Variants in CWC25 observed in about 807,000 individuals in gnomAD.
CWC25 encodes CWC25 spliceosome associated protein.
A neutral mutation model predicts 54.6 loss-of-function variants in CWC25; 31 were observed. That is an observed-to-expected ratio of 0.57 (90% CI 0.43 to 0.77). The LOEUF (loss-of-function observed/expected upper bound fraction) is 0.77, where lower values mean the gene tolerates loss of function less well. CWC25 is among the 30% of genes least tolerant of loss of function. The pLI, the probability that CWC25 is intolerant of heterozygous loss-of-function variation, is 0.00. For missense variants in CWC25, 453 were observed against 529.3 expected (o/e 0.86, Z 1.41); for synonymous variants, 151 against 187.0 (o/e 0.81, Z 1.57).
chr17:38,808,495 A>G (rs1911347184), intron 6 of CWC25, among the ~76,000 whole-genome samples: 1 of 133,488 alleles, frequency 7.5e-6, no homozygotes, highest in African/African-American at 2.7e-5. Flanking sequence ...ATACAGAAAT[A>G]TGAGGCCAGG....
rs1911901145 is a variant in CWC25, at chr17:38,821,002, A to C, written c.90T>G (p.His30Gln). ...VEKVWKAEQK[H>Q]EAERKKIEEL... ...CCTCAATCTTCTTCCGCTCAGCCTC[A>C]TGCTTCTGCTCGGCCTTCCACACTT... The change falls in exon 2 of 10, where the codon CAT becomes CAG. Residue 30 changes from histidine (H) to glutamine (Q), a missense_variant. This residue lies in a region of CWC25 where 444 missense variants were observed against 499.2 expected (regional missense o/e 0.89). Coordinates refer to ENST00000614790, the MANE Select transcript of CWC25 (RefSeq NM_017748.5). The C allele has an allele frequency of 4.3e-6, 7 of 1,613,892 alleles. No individual in the cohort carries two copies. The highest frequency in any genetic ancestry group is 5.9e-6 in the Non-Finnish European group (7 of 1,179,888).
intron 6 of CWC25, 101 bp downstream of exon 6, chr17:38,809,590 CCTGTTTCCCAG>C (rs911784404): frequency 2.2e-6 from 2 of 918,910 alleles, no homozygotes. Flanking sequence ...TAAGAATGGG[CCTGTTTCCCAG>C]CAGCCCAGGC....
chr17:38,816,867 G>C (rs2143588500), intron 2 of CWC25, among the ~76,000 whole-genome samples: 1 of 151,126 alleles, frequency 6.6e-6, no homozygotes, highest in Non-Finnish European at 1.5e-5. Flanking sequence ...TGTACTTTTA[G>C]TAAAGACGAG....
At chr17:38,810,421 T>C (rs1310324414) in intron 5 of CWC25, 47 bp downstream of exon 5, 1 of 1,490,884 alleles carries the variant, frequency 6.7e-7, no homozygotes, top group Non-Finnish European at 8.9e-7. Context: ...AATGAGTGAA[T>C]GAGCAAGTGA....
At position 38,812,537 on chromosome 17, in the gene CWC25, G is replaced by A. The variant is rs562554289; in HGVS notation, c.498+258C>T. On this transcript the variant is annotated intron_variant, in intron 4 of 9. Coordinates refer to ENST00000614790, the MANE Select transcript of CWC25 (RefSeq NM_017748.5). ...AGCTACTAGGGAGGCTGAGGCAGGA[G>A]AATAACTTGAACCTGGGAGGCGGAG... is the stretch of plus-strand genomic sequence containing the variant. 3.9e-5 allele frequency among the ~76,000 whole-genome samples: 6 copies of A among 152,264 alleles called. No individual in the cohort carries two copies. The South Asian group carries it at 1.2e-3, about 32-fold the overall frequency.
rs1212624031 is a variant in CWC25 at position 38,819,469 on chromosome 17, C to T, written c.191+1432G>A. ...GCAACCTCCACCTTCTGGGTTCAAGCGATTCTCCTGCCTTAGCTTCCCGAG... is the reference window on the plus strand; with the variant it reads ...GCAACCTCCACCTTCTGGGTTCAAGTGATTCTCCTGCCTTAGCTTCCCGAG... On this transcript the variant is annotated intron_variant, in intron 2 of 9. Coordinates refer to ENST00000614790, the MANE Select transcript of CWC25 (RefSeq NM_017748.5). Among the ~76,000 whole-genome samples, 5 of 151,610 alleles carry T rather than the reference C, an allele frequency of 3.3e-5. No individual in the cohort carries two copies. In the East Asian group the frequency reaches 7.7e-4, roughly 23 times the overall value.
At chr17:38,811,000 A>C (rs1290970646) in intron 4 of CWC25, among the ~76,000 whole-genome samples, 8 of 148,834 alleles carry the variant, frequency 5.4e-5, no homozygotes, top group Non-Finnish European at 4.4e-5. Flanking sequence ...TGAGAGGCTG[A>C]GGTGGGAGGA....
Position 38,810,473 on chromosome 17 carries a change from T to C in CWC25, c.621A>G (p.Ala207=), listed in dbSNP as rs1374819666. The change falls in exon 5 of 10, where the codon GCA becomes GCG. Residue 207 remains alanine, a synonymous_variant. Transcript: ENST00000614790. ...GCCAGTCGCCACATGCTCACCTCCC[T>C]GCACTGTGCTCATCCTCGCTGCTGG... ...DRSSSEDEHS[A]GRSQKKMANS... 7 of 1,587,478 alleles carry C rather than the reference T, an allele frequency of 4.4e-6. No individual in the cohort carries two copies. The highest frequency in any genetic ancestry group is 2.2e-5 in the East Asian group (1 of 44,556).
At chr17:38,818,075 A>C (rs1567674994) in intron 2 of CWC25, among the ~76,000 whole-genome samples, 2 of 150,346 alleles carry the variant, frequency 1.3e-5, no homozygotes, top group Non-Finnish European at 3.0e-5. Context: ...CAGGAGTTCA[A>C]GACTAGCCTG....
At chr17:38,807,801 G>T (rs1409775012) in intron 6 of CWC25, among the ~76,000 whole-genome samples, 3 of 137,868 alleles carry the variant, frequency 2.2e-5, no homozygotes, top group Non-Finnish European at 4.8e-5. Flanking sequence ...GCTCATGCCT[G>T]TAATCCCAGC....
At chr17:38,809,336 G>A (rs1176964328) in intron 6 of CWC25, among the ~76,000 whole-genome samples, 5 of 150,642 alleles carry the variant, frequency 3.3e-5, no homozygotes, top group Non-Finnish European at 7.4e-5. Flanking sequence ...GCTAAAGCAG[G>A]AGAATAGCTT....
At chr17:38,824,323 A>G (rs921141005) in intron 1 of CWC25, among the ~76,000 whole-genome samples, 18 of 152,206 alleles carry the variant, frequency 1.2e-4, no homozygotes, top group African/African-American at 4.1e-4. Flanking sequence ...CTGCCACTAC[A>G]GATCAGAATC....
chr17:38,808,068 AAAAAG>A lies in CWC25; in HGVS notation c.691-1097_691-1093del, dbSNP rs1291822461. 4.3e-4 allele frequency among the ~76,000 whole-genome samples: 53 copies of A among 124,146 alleles called. 6 individuals are homozygous for A. The highest frequency in any genetic ancestry group is 6.0e-4 in the Non-Finnish European group (36 of 59,862). 81.4% of individuals were successfully genotyped at this position (124,146 alleles called of 152,430 possible). On this transcript the variant is annotated intron_variant, in intron 6 of 9. Coordinates refer to ENST00000614790, the MANE Select transcript of CWC25 (RefSeq NM_017748.5). ...GAGACTCCATCTCAAAAAAAAAAAAAAAAAGAAAAGAAAAGAAAAGAATATACCTG... is the reference window on the plus strand; with the variant it reads ...GAGACTCCATCTCAAAAAAAAAAAAAAAAAGAAAAGAAAAGAATATACCTG...
chr17:38,802,592 G>T, intron 9 of CWC25, 108 bp downstream of exon 9: 1 of 1,288,942 alleles, frequency 7.8e-7, no homozygotes, highest in Non-Finnish European at 1.1e-6. Context: ...TGGTCTGAAG[G>T]CTGGGCTCCA....
At chr17:38,814,097 G>A (rs904367138) in intron 3 of CWC25, among the ~76,000 whole-genome samples, 2 of 151,564 alleles carry the variant, frequency 1.3e-5, no homozygotes, top group East Asian at 2.0e-4. Flanking sequence ...TCCTGACCTC[G>A]TGATCCGCCC....
At position 38,800,442 on chromosome 17, in the gene CWC25, T is replaced by TGG. The variant is rs1240100246; in HGVS notation, c.*1649_*1650insCC. On this transcript the variant is annotated 3_prime_UTR_variant, in exon 10 of 10. Transcript: ENST00000614790. ...ACGGTACTCCACAGGTGGTCGCTCT[T>TGG]TAAACAGTTACAAAAATAAATGTGG... The TGG allele has an allele frequency of 6.6e-6, 1 of 152,078 alleles. No homozygotes were observed. The highest frequency in any genetic ancestry group is 1.5e-5 in the Non-Finnish European group (1 of 68,032). The allele number at this position is 152,078 out of a possible 1,614,324, so 9.4% of individuals were successfully genotyped here. A position where few individuals can be genotyped will look rare whatever the true frequency, so the allele number is the denominator to read the frequency against.
At chr17:38,813,143 T>C (rs1451634936) in intron 3 of CWC25, among the ~76,000 whole-genome samples, 1 of 147,922 alleles carries the variant, frequency 6.8e-6, no homozygotes, top group African/African-American at 2.5e-5. Flanking sequence ...CAAGACTCTG[T>C]CTCCAAAAAA....
At position 38,822,850 on chromosome 17, in the gene CWC25, A is replaced by ATT. The variant is rs36069874; in HGVS notation, c.19-1779_19-1778dup. ...AGGCATGCGCCGCCACGCCTGGCCA[A>ATT]TTTTTTTTTTTTTTTTTTGAGATGT... On this transcript the variant is annotated intron_variant, in intron 1 of 9. Transcript: ENST00000614790. Among the ~76,000 whole-genome samples the ATT allele has an allele frequency of 2.7e-3, 373 of 139,480 alleles. 1 individual carries two copies. Among genetic ancestry groups the ATT allele is most frequent in the Middle Eastern group, 3.9e-3 (1 of 256 alleles). The allele number at this position is 139,480 out of a possible 152,430, so 91.5% of individuals were successfully genotyped here. A position where few individuals can be genotyped will look rare whatever the true frequency, so the allele number is the denominator to read the frequency against.
chr17:38,816,236 A>G (rs1329697511), intron 2 of CWC25, among the ~76,000 whole-genome samples: 1 of 152,102 alleles, frequency 6.6e-6, no homozygotes, highest in Non-Finnish European at 1.5e-5. Flanking sequence ...TGCTTTTTGA[A>G]TATGACTTTT....
Sources: allele counts gnomAD v4.1 joint callset (sites outside exome capture counted in the v4.1 genomes callset), GRCh38; gene constraint gnomAD v4.1.1; regional missense constraint gnomAD v4.1.1; transcripts MANE v1.5; gene names NCBI Gene and HGNC (gene_info 2026-07-23, HGNC 2026-07-21).